The following ADGRE3 variants were observed in gnomAD, a reference collection of about 807,000 sequenced individuals.
The protein encoded by ADGRE3 is adhesion G protein-coupled receptor E3, also known as EGF-like module receptor 3.
In ADGRE3, 88 loss-of-function variants were observed where a neutral mutation model predicts 80.1. The ratio of observed to expected loss-of-function variants is 1.10; its 90% CI spans 0.93 to 1.31. The LOEUF (loss-of-function observed/expected upper bound fraction) is 1.31, where lower values mean the gene tolerates loss of function less well. Among genes scored for constraint, ADGRE3 ranks in the 40% most tolerant of loss-of-function variants. The pLI is 0.00. For missense variants in ADGRE3, 715 were observed against 776.5 expected (o/e 0.92, Z 0.94); for synonymous variants, 281 against 294.8 (o/e 0.95, Z 0.48).
chr19:14,620,422 A>G (rs917511751), intron 15 of ADGRE3, among the ~76,000 whole-genome samples: 13 of 143,754 alleles, frequency 9.0e-5, no homozygotes, highest in Admixed American at 6.3e-4. Flanking sequence ...ATATTCATGT[A>G]TATATGAATA....
chr19:14,623,299 TA>T (rs1325415854), intron 15 of ADGRE3, among the ~76,000 whole-genome samples: 1,008 of 16,670 alleles, frequency 0.06, 307 homozygotes, highest in African/African-American at 0.085. Flanking sequence ...AAAAAAAAAA[TA>T]AAAAAAAAAA....
At chr19:14,609,744 AG>A in the ADGRE3 span, among the ~76,000 whole-genome samples, 2 of 152,060 alleles carry the variant, frequency 1.3e-5, no homozygotes, top group East Asian at 3.9e-4. Context: ...AGGCTGAGGC[AG>A]GAGAATTGCT....
At chr19:14,668,926 T>C (rs1236580629) in intron 1 of ADGRE3, 74 bp from the exon 2 acceptor site, 1 of 1,384,618 alleles carries the variant, frequency 7.2e-7, no homozygotes, top group African/African-American at 1.4e-5. Context: ...CCCCAAGGAC[T>C]GTGTATCAGT....
At chr19:14,610,060 C>T in the ADGRE3 span, 1 of 1,612,094 alleles carries the variant, frequency 6.2e-7, no homozygotes, top group Admixed American at 1.7e-5. Flanking sequence ...TTTCCTCCAT[C>T]CAGCTTCTGG....
At chr19:14,613,653 T>A in the ADGRE3 span, among the ~76,000 whole-genome samples, 999 of 152,142 alleles carry the variant, frequency 6.6e-3, 9 homozygotes, top group Non-Finnish European at 0.011. Context: ...TTTCTTTGAT[T>A]TGTTTTAAAT....
intron 11 of ADGRE3, among the ~76,000 whole-genome samples, chr19:14,636,559 C>T (rs138450334): frequency 2.0e-5 from 3 of 152,084 alleles, no homozygotes; most frequent in African/African-American, 7.2e-5. Flanking sequence ...TTGAACAACA[C>T]CCCAAACCCT....
chr19:14,643,638 C>T (rs554731488), intron 9 of ADGRE3, among the ~76,000 whole-genome samples: 2 of 152,264 alleles, frequency 1.3e-5, no homozygotes, highest in African/African-American at 4.8e-5. Context: ...ATCTGTGTGA[C>T]TTTCCTGGGA....
At chr19:14,666,621 C>T (rs1972114715) in intron 2 of ADGRE3, among the ~76,000 whole-genome samples, 1 of 152,198 alleles carries the variant, frequency 6.6e-6, no homozygotes, top group Non-Finnish European at 1.5e-5. Flanking sequence ...AAGTGATCCA[C>T]CTGCCTCGGC....
chr19:14,665,132 C>T (rs930199503), intron 2 of ADGRE3, among the ~76,000 whole-genome samples: 5 of 134,160 alleles, frequency 3.7e-5, no homozygotes, highest in Non-Finnish European at 7.6e-5. Flanking sequence ...GGTGTGATAT[C>T]GGCTCACTGC....
chr19:14,636,726 A>G (rs1971102366), intron 11 of ADGRE3, among the ~76,000 whole-genome samples: 1 of 152,136 alleles, frequency 6.6e-6, no homozygotes, highest in South Asian at 2.1e-4. Flanking sequence ...GGTGCCTGTT[A>G]TCCTAGAATC....
intron 5 of ADGRE3, among the ~76,000 whole-genome samples, chr19:14,656,114 G>A (rs1971748906): frequency 2.0e-5 from 3 of 152,040 alleles, no homozygotes; most frequent in South Asian, 4.2e-4. Flanking sequence ...GGAAGGCCGA[G>A]GGGGGTGGAT....
At chr19:14,631,930 G>T (rs1052674970) in intron 13 of ADGRE3, among the ~76,000 whole-genome samples, 1 of 128,440 alleles carries the variant, frequency 7.8e-6, no homozygotes, top group Admixed American at 8.2e-5. Flanking sequence ...TATTTCAAAA[G>T]ACTATAAAAA....
chr19:14,672,189 T>C (rs1478173352), intron 1 of ADGRE3, among the ~76,000 whole-genome samples: 2 of 152,186 alleles, frequency 1.3e-5, no homozygotes, highest in Non-Finnish European at 2.9e-5. Context: ...GGGACCATCA[T>C]GTTTCCTTAA....
intron 13 of ADGRE3, among the ~76,000 whole-genome samples, chr19:14,631,210 G>C (rs1970873366): frequency 6.6e-6 from 1 of 152,096 alleles, no homozygotes; most frequent in Non-Finnish European, 1.5e-5. Context: ...GAAGGCTTTT[G>C]TGATCAAAAG....
chr19:14,630,249 T>C, intron 13 of ADGRE3, 42 bp from the exon 14 acceptor site: 2 of 1,550,942 alleles, frequency 1.3e-6, no homozygotes, highest in Middle Eastern at 1.9e-4. Context: ...AAAAAACTAA[T>C]AATGAGCATG....
intron 10 of ADGRE3, 135 bp from the exon 11 acceptor site, chr19:14,638,475 T>C (rs1599620306): frequency 1.6e-6 from 1 of 634,506 alleles, no homozygotes; most frequent in East Asian, 2.8e-5. Flanking sequence ...GGGAACTGGA[T>C]GCAGTGGCTC....
chr19:14,666,220 T>G (rs539859720), intron 2 of ADGRE3, among the ~76,000 whole-genome samples: 17 of 151,842 alleles, frequency 1.1e-4, no homozygotes, highest in African/African-American at 3.6e-4. Context: ...TTCCCACCAA[T>G]AGTGTAAAGT....
At chr19:14,645,356 G>T (rs1292888476) in intron 8 of ADGRE3, among the ~76,000 whole-genome samples, 1 of 152,122 alleles carries the variant, frequency 6.6e-6, no homozygotes, top group Non-Finnish European at 1.5e-5. Flanking sequence ...CATGAGGAGA[G>T]AGAATAAAAT....
chr19:14,643,797 G>C (rs1971320739), intron 9 of ADGRE3, among the ~76,000 whole-genome samples: 1 of 151,164 alleles, frequency 6.6e-6, no homozygotes, highest in African/African-American at 2.4e-5. Flanking sequence ...TGAAACCTCT[G>C]CCTCCCAGGT....
Sources: gnomAD v4.1 joint callset for allele counts (sites outside exome capture counted in the v4.1 genomes callset) on GRCh38, gnomAD v4.1.1 for gene constraint, MANE v1.5 for transcripts, NCBI Gene and HGNC (gene_info 2026-07-23, HGNC 2026-07-21) for gene names.